TASOR: variants seen among roughly 807,000 people sequenced by gnomAD.
The protein encoded by TASOR is transcription activation suppressor.
In TASOR, 53 loss-of-function variants were observed where a neutral mutation model predicts 178.6. The observed-to-expected ratio is 0.30, with a 90% confidence interval of 0.24 to 0.37. The LOEUF is 0.37. TASOR is among the 10% of genes least tolerant of loss of function. The pLI is 1.00. For missense variants in TASOR, 1,815 were observed against 1,971.4 expected, an observed-to-expected ratio of 0.92 and a Z score of 1.50; for synonymous variants, 713 against 696.2, an observed-to-expected ratio of 1.02 and a Z score of -0.38.
Position 56,682,996 on chromosome 3 carries a change from G to A in TASOR, c.11C>T (p.Ala4Val), listed in dbSNP as rs1254916825. 3.2e-6 allele frequency: 5 copies of A among 1,544,474 alleles called. No homozygotes were observed. The highest frequency in any genetic ancestry group is 2.4e-5 in the East Asian group (1 of 40,818). ...CGGCTGACAGGCCTCCGTCTCCACA[G>A]CAGTCGCCATCGCGCCGGCCTAAGG... MAT[A>V]VETEACQPTD... Residue 4 changes from alanine to valine, a missense_variant, in exon 1 of 24, where the codon GCT becomes GTT. Ala to Val is a moderately conservative substitution (Grantham distance 64). Transcript: ENST00000683822.
intron 11 of TASOR, among the ~76,000 whole-genome samples, chr3:56,653,715 A>C (rs2077408575): frequency 1.3e-5 from 2 of 152,184 alleles, no homozygotes; most frequent in Admixed American, 1.3e-4. Context: ...TCAAATAATC[A>C]CCACCATTGT....
Position 56,683,220 on chromosome 3 carries a change from C to T in TASOR, c.-214G>A, listed in dbSNP as rs1053226640. 2.0e-6 allele frequency: 1 copy of T among 498,146 alleles called. No homozygotes were observed. Among genetic ancestry groups the T allele is most frequent in the African/African-American group, 2.0e-5 (1 of 49,486 alleles). 30.9% of individuals were successfully genotyped at this position (498,146 alleles called of 1,614,324 possible). On this transcript the variant is annotated 5_prime_UTR_variant, in exon 1 of 24. Transcript: ENST00000683822. ...CTGCCCGGTCCTCGGAGCCGCTCCT[C>T]CCTCGGGCAGTTCTTCTGCCTTCCC...
At chr3:56,627,812 C>T in intron 19 of TASOR, 71 bp from the exon 20 acceptor site, 1 of 1,431,802 alleles carries the variant, frequency 7.0e-7, no homozygotes, top group Non-Finnish European at 9.7e-7. Flanking sequence ...TGTGAAGGAA[C>T]CTACAAGAAG....
At chr3:56,631,097 A>G (rs1047335841) in intron 18 of TASOR, among the ~76,000 whole-genome samples, 16 of 152,140 alleles carry the variant, frequency 1.1e-4, no homozygotes, top group African/African-American at 3.9e-4. Context: ...GAAACTCTAC[A>G]TTCAGTCATG....
At chr3:56,679,798 T>C (rs2031633181) in intron 1 of TASOR, among the ~76,000 whole-genome samples, 2 of 152,204 alleles carry the variant, frequency 1.3e-5, no homozygotes, top group Admixed American at 6.5e-5. Flanking sequence ...AAGAAGGCAA[T>C]AGTGAAACAT....
In TASOR at chr3:56,663,523, G is replaced by T; in HGVS notation, c.1054+18C>A. 9.2e-7 allele frequency: 1 copy of T among 1,083,756 alleles called. No individual in the cohort carries two copies. The highest frequency in any genetic ancestry group is 1.2e-6 in the Non-Finnish European group (1 of 800,462). The allele number at this position is 1,083,756 out of a possible 1,614,324, so 67.1% of individuals were successfully genotyped here. On this transcript the variant is annotated intron_variant, in intron 8 of 23. Transcript: ENST00000683822. ...TATTCTTTCCATTTATAAAACTAAA[G>T]AAACATAAATCTCTTACCTATGTTT...
chr3:56,650,201 A>C (rs1371486098), intron 11 of TASOR, among the ~76,000 whole-genome samples: 2 of 152,240 alleles, frequency 1.3e-5, no homozygotes, highest in Non-Finnish European at 2.9e-5. Flanking sequence ...AACTCGTACT[A>C]CCTAAATTCC....
At chr3:56,673,274 T>G (rs1047021631) in intron 2 of TASOR, among the ~76,000 whole-genome samples, 1 of 151,930 alleles carries the variant, frequency 6.6e-6, no homozygotes, top group East Asian at 1.9e-4. Flanking sequence ...TTAAAACTTG[T>G]TTTCCCAATT....
At position 56,622,070 on chromosome 3, in the gene TASOR, T is replaced by G. The variant is rs1457322302; in HGVS notation, c.*967A>C. ...TAACTTTTACTGAAATAACACAAAT[T>G]CAGTTTAGGCTCCTTCTCTAAATCC... On this transcript the variant is annotated 3_prime_UTR_variant, in exon 24 of 24. Coordinates refer to ENST00000683822, the MANE Select transcript of TASOR (RefSeq NM_001365635.2). 1 of 152,216 alleles carries G rather than the reference T, an allele frequency of 6.6e-6. No homozygotes were observed. The highest frequency in any genetic ancestry group is 1.5e-5 in the Non-Finnish European group (1 of 68,048). The allele number at this position is 152,216 out of a possible 1,614,324, so 9.4% of individuals were successfully genotyped here.
chr3:56,656,172 C>G (rs1278821454), intron 11 of TASOR, among the ~76,000 whole-genome samples: 2 of 152,058 alleles, frequency 1.3e-5, no homozygotes, highest in Non-Finnish European at 2.9e-5. Context: ...TATAGAAACC[C>G]CCAAAAATGT....
At chr3:56,649,353 T>C (rs1391966899) in intron 11 of TASOR, among the ~76,000 whole-genome samples, 1 of 152,206 alleles carries the variant, frequency 6.6e-6, no homozygotes, top group African/African-American at 2.4e-5. Context: ...AGGACCAAGC[T>C]AAAGACTTCA....
intron 9 of TASOR, among the ~76,000 whole-genome samples, chr3:56,661,955 G>A (rs886579018): frequency 4.4e-5 from 6 of 137,298 alleles, no homozygotes; most frequent in East Asian, 4.7e-4. Context: ...CAAAAGCCCC[G>A]TCTCTACTAA....
At chr3:56,655,840 A>G (rs1367329143) in intron 11 of TASOR, among the ~76,000 whole-genome samples, 1 of 152,162 alleles carries the variant, frequency 6.6e-6, no homozygotes, top group Non-Finnish European at 1.5e-5. Context: ...AATAAGGGTT[A>G]TGTAATGTGG....
At chr3:56,654,059 G>A (rs971100795) in intron 11 of TASOR, among the ~76,000 whole-genome samples, 12 of 152,108 alleles carry the variant, frequency 7.9e-5, no homozygotes, top group African/African-American at 2.9e-4. Context: ...TTGAGCCCAG[G>A]AGTTTGAGAC....
chr3:56,670,806 C>T (rs1017025088), intron 3 of TASOR, among the ~76,000 whole-genome samples: 9 of 151,114 alleles, frequency 6.0e-5, no homozygotes, highest in Admixed American at 1.3e-4. Flanking sequence ...GGTGCGGTGG[C>T]GTGTCCTGTA....
rs2031945516 is a variant in TASOR, at chr3:56,683,020, G to A, written c.-14C>T. On this transcript the variant is annotated 5_prime_UTR_variant, in exon 1 of 24. Coordinates refer to ENST00000683822, the MANE Select transcript of TASOR (RefSeq NM_001365635.2). Reference sequence around the variant, plus strand: ...AGCAGTCGCCATCGCGCCGGCCTAAGGAGCTCTGGGAAGCTTCTGCCCACA... The same window carrying A: ...AGCAGTCGCCATCGCGCCGGCCTAAAGAGCTCTGGGAAGCTTCTGCCCACA... 4.0e-6 allele frequency: 6 copies of A among 1,516,164 alleles called. No individual in the cohort carries two copies. Among genetic ancestry groups the A allele is most frequent in the East Asian group, 2.5e-5 (1 of 40,496 alleles). The allele number at this position is 1,516,164 out of a possible 1,614,324, so 93.9% of individuals were successfully genotyped here. A position where few individuals can be genotyped will look rare whatever the true frequency, so the allele number is the denominator to read the frequency against.
chr3:56,650,939 T>C (rs2077339865), intron 11 of TASOR, among the ~76,000 whole-genome samples: 1 of 152,290 alleles, frequency 6.6e-6, no homozygotes, highest in African/African-American at 2.4e-5. Flanking sequence ...GTTGATGAAA[T>C]AAAAAGTTAC....
At chr3:56,661,587 A>C (rs1385758607) in intron 9 of TASOR, among the ~76,000 whole-genome samples, 1 of 152,172 alleles carries the variant, frequency 6.6e-6, no homozygotes, top group Non-Finnish European at 1.5e-5. Flanking sequence ...CTGAAGTATA[A>C]ACTGTTAATC....
At chr3:56,634,528 A>T (rs1367677645) in intron 17 of TASOR, among the ~76,000 whole-genome samples, 1 of 152,220 alleles carries the variant, frequency 6.6e-6, no homozygotes, top group South Asian at 2.1e-4. Flanking sequence ...TGCTAAGTAG[A>T]TTTCCTGTAA....
Sources: allele counts gnomAD v4.1 joint callset (sites outside exome capture counted in the v4.1 genomes callset), GRCh38; gene constraint gnomAD v4.1.1; transcripts MANE v1.5; gene names NCBI Gene and HGNC (gene_info 2026-07-23, HGNC 2026-07-21).